The following SCLT1 variants were observed in gnomAD, a reference collection of about 807,000 sequenced individuals.
SCLT1 encodes sodium channel-associated protein 1.
A neutral mutation model predicts 112.8 loss-of-function variants in SCLT1; 78 were observed. The ratio of observed to expected loss-of-function variants is 0.69; its 90% confidence interval spans 0.58 to 0.83. The LOEUF (loss-of-function observed/expected upper bound fraction) is 0.83. Ranked by LOEUF, SCLT1 falls within the 40% of genes least tolerant of loss-of-function variation. The probability of loss-of-function intolerance (pLI) is 0.00; values close to 1 mark genes in which losing one functional copy is unlikely to be tolerated. For synonymous variants in SCLT1, 257 were observed against 254.7 expected, an observed-to-expected ratio of 1.01 and a Z score of -0.09; for missense variants, 747 against 770.4, an observed-to-expected ratio of 0.97 and a Z score of 0.36.
At chr4:128,910,625 T>C (rs1354321970) in intron 18 of SCLT1, among the ~76,000 whole-genome samples, 1 of 152,126 alleles carries the variant, frequency 6.6e-6, no homozygotes, top group East Asian at 1.9e-4. Flanking sequence ...GGGTTTTGTG[T>C]TTTGATTAGA....
At chr4:129,027,088 C>T (rs1311833653) in intron 5 of SCLT1, among the ~76,000 whole-genome samples, 2 of 152,056 alleles carry the variant, frequency 1.3e-5, no homozygotes, top group Non-Finnish European at 2.9e-5. Flanking sequence ...GAGTCCAGGA[C>T]CAGATGGATT....
At chr4:128,930,102 G>A (rs1736637654) in intron 18 of SCLT1, among the ~76,000 whole-genome samples, 1 of 152,102 alleles carries the variant, frequency 6.6e-6, no homozygotes, top group Non-Finnish European at 1.5e-5. Context: ...AATGTGGTCT[G>A]GATTTAGCAA....
chr4:129,061,228 G>C lies in SCLT1; in HGVS notation c.103-17177C>G, dbSNP rs145187899. Among the ~76,000 whole-genome samples, 307 of 152,220 alleles carry C rather than the reference G, an allele frequency of 2.0e-3. 1 individual carries two copies. The highest frequency in any genetic ancestry group is 7.1e-3 in the African/African-American group (293 of 41,528). ...TTACTTTCTGTGAGGGCAGATGCGC[G>C]GCAGCAAGTTTCCCAGAATGGCAAA... On this transcript the variant is annotated intron_variant, in intron 2 of 20. Coordinates refer to ENST00000281142, the MANE Select transcript of SCLT1 (RefSeq NM_144643.4).
chr4:129,010,805 G>A (rs1560960876), intron 5 of SCLT1, among the ~76,000 whole-genome samples: 1 of 152,174 alleles, frequency 6.6e-6, no homozygotes, highest in Non-Finnish European at 1.5e-5. Context: ...TTGTTTGTCA[G>A]TTTAAGAAGC....
intron 4 of SCLT1, among the ~76,000 whole-genome samples, chr4:128,875,849 ATAAT>A (rs912600821): frequency 2.6e-5 from 4 of 152,218 alleles, no homozygotes; most frequent in African/African-American, 9.6e-5. Context: ...ATTTTTAAAA[ATAAT>A]TTTTCAAAGA....
intron 4 of SCLT1, among the ~76,000 whole-genome samples, chr4:129,041,350 A>C (rs1018060891): frequency 2.7e-4 from 41 of 152,348 alleles, no homozygotes; most frequent in African/African-American, 9.6e-4. Context: ...CTTTTATTTG[A>C]CATTTGGGTC....
intron 5 of SCLT1, among the ~76,000 whole-genome samples, chr4:129,022,031 C>A (rs1177705306): frequency 6.6e-6 from 1 of 152,210 alleles, no homozygotes; most frequent in Non-Finnish European, 1.5e-5. Flanking sequence ...GGACCTCCAG[C>A]AAACTGCAGC....
intron 2 of SCLT1, among the ~76,000 whole-genome samples, chr4:129,072,938 A>C (rs1751149989): frequency 6.6e-6 from 1 of 152,110 alleles, no homozygotes. Context: ...AGGCTCTATC[A>C]GAGGAAAGGT....
At chr4:129,079,769 C>T (rs890070099) in intron 2 of SCLT1, among the ~76,000 whole-genome samples, 2 of 152,248 alleles carry the variant, frequency 1.3e-5, no homozygotes, top group Non-Finnish European at 2.9e-5. Context: ...CCTACATTTC[C>T]TCTTTGCACT....
intron 2 of SCLT1, among the ~76,000 whole-genome samples, chr4:129,062,130 T>C (rs1750042571): frequency 6.6e-6 from 1 of 152,114 alleles, no homozygotes; most frequent in South Asian, 2.1e-4. Flanking sequence ...TGCTTACCTT[T>C]CCCAAGTAGA....
intron 17 of SCLT1, among the ~76,000 whole-genome samples, chr4:128,938,857 CT>C (rs1443215068): frequency 6.6e-6 from 1 of 152,130 alleles, no homozygotes. Context: ...TGGTGGGTGC[CT>C]GTAATCCCAG....
intron 2 of SCLT1, among the ~76,000 whole-genome samples, chr4:129,062,066 A>G (rs1344993039): frequency 6.6e-6 from 1 of 152,026 alleles, no homozygotes; most frequent in African/African-American, 2.4e-5. Context: ...GAGTTAATGC[A>G]GGGGACCCCA....
At chr4:129,042,623 T>C (rs1747797276) in intron 4 of SCLT1, among the ~76,000 whole-genome samples, 1 of 152,138 alleles carries the variant, frequency 6.6e-6, no homozygotes, top group African/African-American at 2.4e-5. Context: ...AAGGAAACAC[T>C]GAATTAAAAG....
chr4:128,891,547 A>G (rs13146706), intron 18 of SCLT1, among the ~76,000 whole-genome samples: 28,874 of 152,074 alleles, frequency 0.19, 2,929 homozygotes, highest in Middle Eastern at 0.29. Context: ...TTGAGATACT[A>G]TTAGACACTA....
chr4:128,901,209 G>C (rs1734261411), intron 18 of SCLT1, among the ~76,000 whole-genome samples: 1 of 152,148 alleles, frequency 6.6e-6, no homozygotes, highest in Admixed American at 6.5e-5. Flanking sequence ...CTGCTATAAA[G>C]ACACATGCAC....
At chr4:129,014,192 T>C (rs1744793791) in intron 5 of SCLT1, among the ~76,000 whole-genome samples, 1 of 151,470 alleles carries the variant, frequency 6.6e-6, no homozygotes, top group East Asian at 1.9e-4. Context: ...TGGCTATTTT[T>C]GCTGGGCAGC....
intron 20 of SCLT1, among the ~76,000 whole-genome samples, chr4:128,885,837 G>A (rs147954736): frequency 6.6e-6 from 1 of 152,270 alleles, no homozygotes; most frequent in East Asian, 1.9e-4. Context: ...AAAATGATGT[G>A]ATTACAGTTT....
chr4:129,016,567 T>C lies in SCLT1; in HGVS notation c.291-12691A>G, dbSNP rs561628591. Among the ~76,000 whole-genome samples, 3 of 152,350 alleles carry C rather than the reference T, an allele frequency of 2.0e-5. No individual in the cohort carries two copies. The South Asian group carries it at 6.2e-4, about 32-fold the overall frequency. On this transcript the variant is annotated intron_variant, in intron 5 of 20. Coordinates refer to ENST00000281142, the MANE Select transcript of SCLT1 (RefSeq NM_144643.4). ...AATTCTTTTTGTGCTAGATATGAGCTAGATATTATACATTTAAAAGTACAG... is the reference window on the plus strand; with the variant it reads ...AATTCTTTTTGTGCTAGATATGAGCCAGATATTATACATTTAAAAGTACAG...
At chr4:128,891,965 TC>T (rs761247980) in intron 18 of SCLT1, among the ~76,000 whole-genome samples, 1 of 152,128 alleles carries the variant, frequency 6.6e-6, no homozygotes, top group East Asian at 1.9e-4. Flanking sequence ...TTTGTAAGAT[TC>T]ATATACAGTG....
Sources: gnomAD v4.1 joint callset for allele counts (sites outside exome capture counted in the v4.1 genomes callset) on GRCh38, gnomAD v4.1.1 for gene constraint, MANE v1.5 for transcripts, NCBI Gene and HGNC (gene_info 2026-07-23, HGNC 2026-07-21) for gene names.